The following APBB2 variants were observed in gnomAD, a reference collection of about 807,000 sequenced individuals.
APBB2 encodes amyloid beta precursor protein binding family B member 2.
Under a neutral mutation model 82.5 loss-of-function variants are expected in APBB2, and 38 were observed. The ratio of observed to expected loss-of-function variants is 0.46; its 90% CI spans 0.36 to 0.60. The LOEUF (loss-of-function observed/expected upper bound fraction) is 0.60, where lower values mean the gene tolerates loss of function less well. APBB2 is among the 20% of genes least tolerant of loss of function. APBB2 has a pLI of 0.00. For missense variants in APBB2, 772 were observed against 972.3 expected (o/e 0.79, Z 2.74); for synonymous variants, 341 against 368.2 (o/e 0.93, Z 0.85).
chr4:41,059,149 G>C (rs1428667311), intron 4 of APBB2, among the ~76,000 whole-genome samples: 1 of 151,864 alleles, frequency 6.6e-6, no homozygotes, highest in Non-Finnish European at 1.5e-5. Context: ...TGAAGCATCA[G>C]GTCCCCAAGC....
Position 40,976,199 on chromosome 4 carries a change from T to C in APBB2, c.836-31126A>G, listed in dbSNP as rs1797132632. ...TCAGTGCTACAGAGTTAATAGCATATAGAAAATTTACTAAAATTAGACTTT... is the reference window on the plus strand; with the variant it reads ...TCAGTGCTACAGAGTTAATAGCATACAGAAAATTTACTAAAATTAGACTTT... On this transcript the variant is annotated intron_variant, in intron 6 of 17. Coordinates refer to ENST00000508593, the MANE Select transcript of APBB2 (RefSeq NM_004307.2). Among the ~76,000 whole-genome samples the C allele has an allele frequency of 2.0e-5, 3 of 152,148 alleles. No individual in the cohort carries two copies. In the South Asian group the frequency reaches 6.2e-4, roughly 32 times the overall value.
intron 6 of APBB2, among the ~76,000 whole-genome samples, chr4:41,003,905 G>T (rs1425049768): frequency 6.6e-6 from 1 of 152,110 alleles, no homozygotes; most frequent in Non-Finnish European, 1.5e-5. Context: ...TAGAGACAGG[G>T]TTTCACCATG....
intron 4 of APBB2, among the ~76,000 whole-genome samples, chr4:41,044,417 T>C (rs1437495220): frequency 6.6e-6 from 1 of 152,224 alleles, no homozygotes; most frequent in African/African-American, 2.4e-5. Context: ...TAATCTTTGA[T>C]AGCTTCCTTG....
At chr4:40,839,958 C>A (rs1282594162) in intron 12 of APBB2, among the ~76,000 whole-genome samples, 56 of 152,316 alleles carry the variant, frequency 3.7e-4, no homozygotes, top group African/African-American at 1.3e-3. Flanking sequence ...AGCCATTGCG[C>A]CTGGCCCCAC....
intron 1 of APBB2, among the ~76,000 whole-genome samples, chr4:41,206,510 G>A (rs1380798724): frequency 6.6e-6 from 1 of 152,192 alleles, no homozygotes; most frequent in Non-Finnish European, 1.5e-5. Context: ...CTCTTCACCA[G>A]TGTCCTGGAA....
chr4:41,138,508 C>CG (rs1758215669), intron 2 of APBB2, among the ~76,000 whole-genome samples: 1 of 152,166 alleles, frequency 6.6e-6, no homozygotes, highest in South Asian at 2.1e-4. Context: ...AGACTATATA[C>CG]AAAAGAAACA....
rs768901942 is a variant in APBB2, at chr4:40,823,596, A to C, written c.1932+48T>G. On this transcript the variant is annotated intron_variant, in intron 16 of 17. Transcript: ENST00000508593. ...GTTCCACAGAAAACCACTGTATCTT[A>C]TACTCACTGTATAAGACACACCAAT... is the stretch of plus-strand genomic sequence containing the variant. The C allele has an allele frequency of 2.2e-6, 3 of 1,337,120 alleles. No individual in the cohort carries two copies. In the South Asian group the frequency reaches 3.5e-5, roughly 16 times the overall value. The allele number at this position is 1,337,120 out of a possible 1,614,324, so 82.8% of individuals were successfully genotyped here.
At chr4:40,991,519 T>C (rs1351039744) in intron 6 of APBB2, among the ~76,000 whole-genome samples, 2 of 152,058 alleles carry the variant, frequency 1.3e-5, no homozygotes, top group Non-Finnish European at 2.9e-5. Context: ...TTTAAAAATA[T>C]GTATCCAAAA....
chr4:41,067,154 A>C (rs926140109), intron 3 of APBB2, among the ~76,000 whole-genome samples: 2 of 152,242 alleles, frequency 1.3e-5, no homozygotes, highest in Non-Finnish European at 2.9e-5. Context: ...TCACGCCTGT[A>C]ATCCCAGCAC....
chr4:41,061,686 G>T (rs1046513727), intron 4 of APBB2, among the ~76,000 whole-genome samples: 3 of 152,192 alleles, frequency 2.0e-5, no homozygotes, highest in Admixed American at 6.5e-5. Context: ...ATATCTGTAT[G>T]AAAAGCCTGG....
chr4:40,831,857 A>AT (rs1284093889), intron 12 of APBB2, among the ~76,000 whole-genome samples: 1 of 152,082 alleles, frequency 6.6e-6, no homozygotes, highest in Non-Finnish European at 1.5e-5. Context: ...GGGTGTTCGC[A>AT]TTTTTTCTAC....
At chr4:40,863,783 C>T (rs1459844399) in intron 12 of APBB2, among the ~76,000 whole-genome samples, 1 of 149,802 alleles carries the variant, frequency 6.7e-6, no homozygotes, top group Admixed American at 6.8e-5. Flanking sequence ...ATCCCAGCTA[C>T]TCAGGAGGCT....
At chr4:41,191,567 A>G (rs1774445560) in intron 1 of APBB2, among the ~76,000 whole-genome samples, 2 of 152,188 alleles carry the variant, frequency 1.3e-5, no homozygotes, top group African/African-American at 4.8e-5. Context: ...GGATTTCCAC[A>G]CACAAAAGGA....
chr4:40,952,185 C>CAA lies in APBB2; in HGVS notation c.836-7114_836-7113dup, dbSNP rs61159163. Among the ~76,000 whole-genome samples the CAA allele has an allele frequency of 4.0e-3, 447 of 111,048 alleles. 5 individuals carry two copies. Among genetic ancestry groups the CAA allele is most frequent in the Middle Eastern group, 5.4e-3 (1 of 184 alleles). 72.9% of individuals were successfully genotyped at this position (111,048 alleles called of 152,430 possible). On this transcript the variant is annotated intron_variant, in intron 6 of 17. Coordinates refer to ENST00000508593, the MANE Select transcript of APBB2 (RefSeq NM_004307.2). ...TGGGTGACAGAGCGAGACTCTGTCT[C>CAA]AAAAAAAAAAAAAAAAAAAAAGGAC...
intron 4 of APBB2, among the ~76,000 whole-genome samples, chr4:41,050,997 G>A (rs1429103198): frequency 2.6e-5 from 4 of 152,104 alleles, no homozygotes; most frequent in African/African-American, 7.2e-5. Context: ...TGTTTCCCTC[G>A]ACACAGGATG....
intron 10 of APBB2, among the ~76,000 whole-genome samples, chr4:40,912,036 C>A (rs1254658945): frequency 6.6e-6 from 1 of 152,156 alleles, no homozygotes; most frequent in Non-Finnish European, 1.5e-5. Context: ...CTCAGCGATA[C>A]GGGACAAGCA....
chr4:40,821,814 C>T, intron 17 of APBB2, 57 bp downstream of exon 17: 1 of 1,584,436 alleles, frequency 6.3e-7, no homozygotes, highest in Non-Finnish European at 8.6e-7. Flanking sequence ...TAATGTATGG[C>T]ATATTAGAGA....
intron 6 of APBB2, among the ~76,000 whole-genome samples, chr4:40,995,045 A>G (rs1210773914): frequency 1.3e-5 from 2 of 152,054 alleles, no homozygotes; most frequent in East Asian, 3.9e-4. Context: ...AAGTAGCATC[A>G]TCTCAAGGGA....
intron 5 of APBB2, among the ~76,000 whole-genome samples, chr4:41,026,449 T>C (rs1714270907): frequency 6.6e-6 from 1 of 152,182 alleles, no homozygotes; most frequent in Non-Finnish European, 1.5e-5. Flanking sequence ...TTCAAGAACA[T>C]TTTTATCACC....
Sources: allele counts gnomAD v4.1 joint callset (sites outside exome capture counted in the v4.1 genomes callset), GRCh38; gene constraint gnomAD v4.1.1; transcripts MANE v1.5; gene names NCBI Gene and HGNC (gene_info 2026-07-23, HGNC 2026-07-21).